The following MSI2 variants were observed in gnomAD, a reference collection of about 807,000 sequenced individuals.
The protein encoded by MSI2 is RNA-binding protein Musashi homolog 2.
In MSI2, 17 loss-of-function variants were observed where a neutral mutation model predicts 45.6. That is an observed-to-expected ratio of 0.37 (90% CI 0.26 to 0.56). The LOEUF (loss-of-function observed/expected upper bound fraction) is 0.56, where lower values mean the gene tolerates loss of function less well. Among genes scored for constraint, MSI2 ranks in the 20% least tolerant of loss-of-function variants. The probability of loss-of-function intolerance (pLI) is 0.77; values close to 1 mark genes in which losing one functional copy is unlikely to be tolerated. For missense variants in MSI2, 293 were observed against 444.2 expected, an observed-to-expected ratio of 0.66 and a Z score of 3.06; for synonymous variants, 156 against 158.2, an observed-to-expected ratio of 0.99 and a Z score of 0.11.
intron 6 of MSI2, among the ~76,000 whole-genome samples, chr17:57,442,904 G>A (rs1397671389): frequency 6.6e-6 from 1 of 152,230 alleles, no homozygotes; most frequent in African/African-American, 2.4e-5. Context: ...ATTAAAGTTT[G>A]AAGGGATGAA....
At chr17:57,460,555 T>C (rs1020918400) in intron 6 of MSI2, among the ~76,000 whole-genome samples, 3 of 152,044 alleles carry the variant, frequency 2.0e-5, no homozygotes, top group Non-Finnish European at 4.4e-5. Flanking sequence ...AGAGGAATCA[T>C]GAGGAGCTGG....
intron 5 of MSI2, among the ~76,000 whole-genome samples, chr17:57,319,050 G>A (rs1188590752): frequency 3.3e-5 from 5 of 152,238 alleles, no homozygotes; most frequent in African/African-American, 1.2e-4. Flanking sequence ...TGTGTGTGGG[G>A]AGCTGTGGCC....
chr17:57,627,321 C>G lies in MSI2; in HGVS notation c.727+18C>G. 1 of 1,613,556 alleles carries G rather than the reference C, an allele frequency of 6.2e-7. No homozygotes were observed. The highest frequency in any genetic ancestry group is 8.5e-7 in the Non-Finnish European group (1 of 1,179,460). ...GTTCCCAGGTGAGTGGCTTGGTCTC[C>G]CAGGGCTTTGGAAGCACAAGAGGTG... is the stretch of plus-strand genomic sequence containing the variant. On this transcript the variant is annotated intron_variant, in intron 10 of 13. Transcript: ENST00000284073. This position sits in a 1 kb window ranked among gnomAD's most constrained non-coding sequence, Gnocchi z 4.6.
At chr17:57,540,725 G>A (rs2087025319) in intron 7 of MSI2, among the ~76,000 whole-genome samples, 1 of 152,212 alleles carries the variant, frequency 6.6e-6, no homozygotes, top group African/African-American at 2.4e-5. Context: ...TAAGAGAAGA[G>A]CCTGAAACAG....
chr17:57,621,188 A>C (rs116265008), intron 9 of MSI2, among the ~76,000 whole-genome samples: 2 of 152,166 alleles, frequency 1.3e-5, no homozygotes, highest in African/African-American at 2.4e-5. Context: ...CATCAGTTAC[A>C]TGGGTCACCA....
chr17:57,471,993 A>G (rs928353765), intron 6 of MSI2, among the ~76,000 whole-genome samples: 11 of 152,160 alleles, frequency 7.2e-5, no homozygotes, highest in Non-Finnish European at 1.6e-4. Flanking sequence ...TTTGAGGAGC[A>G]GAGGGGCTGA....
chr17:57,418,598 G>T (rs935364249), intron 6 of MSI2, among the ~76,000 whole-genome samples: 10 of 152,218 alleles, frequency 6.6e-5, no homozygotes, highest in African/African-American at 2.2e-4. Flanking sequence ...CAGGTGCTCT[G>T]TGTGGACGTG....
At chr17:57,693,419 G>GCCTCTA in the MSI2 span, among the ~76,000 whole-genome samples, 3 of 151,878 alleles carry the variant, frequency 2.0e-5, 1 homozygote, top group South Asian at 6.2e-4. Flanking sequence ...TGGCCCACCT[G>GCCTCTA]CCTCTGCCTC....
At chr17:57,383,756 G>A (rs543992059) in intron 5 of MSI2, among the ~76,000 whole-genome samples, 1 of 152,308 alleles carries the variant, frequency 6.6e-6, no homozygotes, top group Non-Finnish European at 1.5e-5. Context: ...ACCACTACAA[G>A]CATATGGTGG....
chr17:57,362,644 G>A (rs572983649), intron 5 of MSI2, among the ~76,000 whole-genome samples: 1 of 152,108 alleles, frequency 6.6e-6, no homozygotes, highest in African/African-American at 2.4e-5. Context: ...TGTGGTTCTA[G>A]GGGGGAAAAA....
At position 57,285,870 on chromosome 17, in the gene MSI2, G is replaced by T. The variant is rs75324324; in HGVS notation, c.312+23678G>T. On this transcript the variant is annotated intron_variant, in intron 5 of 13. Coordinates refer to ENST00000284073, the MANE Select transcript of MSI2 (RefSeq NM_138962.4). ...TTCTGTTGTGTAGTTCTGATTTTCC[G>T]AACAGGTGTTTAGATGATGAGGGGT... 1.5e-3 allele frequency: 2,305 copies of T among 1,518,406 alleles called. 1 individual carries two copies. Among genetic ancestry groups the T allele is most frequent in the Non-Finnish European group, 1.8e-3 (2,091 of 1,140,808 alleles). The allele number at this position is 1,518,406 out of a possible 1,614,324, so 94.1% of individuals were successfully genotyped here.
intron 7 of MSI2, among the ~76,000 whole-genome samples, chr17:57,584,900 C>T (rs2088304704): frequency 6.6e-6 from 1 of 151,902 alleles, no homozygotes; most frequent in South Asian, 2.1e-4. Flanking sequence ...CGGCTCACTG[C>T]AACCTTCGCC....
At chr17:57,324,895 A>G (rs763932255) in intron 5 of MSI2, among the ~76,000 whole-genome samples, 1 of 152,146 alleles carries the variant, frequency 6.6e-6, no homozygotes, top group Non-Finnish European at 1.5e-5. Context: ...AACTTTGCCA[A>G]CCTGCTTGTG....
rs546460636 is a variant in MSI2 at position 57,301,356 on chromosome 17, G to C, written c.312+39164G>C. On this transcript the variant is annotated intron_variant, in intron 5 of 13. Transcript: ENST00000284073. ...CAGTGATGGTGCTGAGAGGAGAGGA[G>C]TGCAACCTGAGTTTAGTTGAATTTT... Among the ~76,000 whole-genome samples, 3 of 152,300 alleles carry C rather than the reference G, an allele frequency of 2.0e-5. No homozygotes were observed. In the South Asian group the frequency reaches 6.2e-4, roughly 32 times the overall value.
chr17:57,328,447 G>A (rs1032093268), intron 5 of MSI2, among the ~76,000 whole-genome samples: 2 of 152,124 alleles, frequency 1.3e-5, no homozygotes, highest in Admixed American at 1.3e-4. Flanking sequence ...GCTTTCTGAT[G>A]TAAATGTAGA....
At chr17:57,603,423 A>G (rs1402404246) in intron 8 of MSI2, among the ~76,000 whole-genome samples, 1 of 152,244 alleles carries the variant, frequency 6.6e-6, no homozygotes, top group Non-Finnish European at 1.5e-5. Flanking sequence ...CTGTAACCAC[A>G]GGCGAGTGCC....
rs757310411 is a variant in MSI2 at position 57,262,230 on chromosome 17, G to C, written c.312+38G>C. 1.6e-4 allele frequency: 252 copies of C among 1,605,830 alleles called. 3 individuals are homozygous for C. In the East Asian group the frequency reaches 5.6e-3, roughly 36 times the overall value. On this transcript the variant is annotated intron_variant, in intron 5 of 13. Transcript: ENST00000284073. ...ATAAACAGTAGGATTTTAGCACTCA[G>C]AGATGATTGCCAAGAATTTCAAATT... is the stretch of plus-strand genomic sequence containing the variant.
At chr17:57,434,637 T>C (rs1479110002) in intron 6 of MSI2, among the ~76,000 whole-genome samples, 3 of 152,168 alleles carry the variant, frequency 2.0e-5, no homozygotes, top group Non-Finnish European at 2.9e-5. Context: ...AGATTCCACA[T>C]GTAAGTGAGA....
chr17:57,652,749 G>A lies in MSI2; in HGVS notation c.790+588G>A, dbSNP rs977305966. ...CAGCTCCAGCTGCCAAGGGAATTGGGCTTTCTGTCCCATGAGGTTGCTCCA... is the reference window on the plus strand; with the variant it reads ...CAGCTCCAGCTGCCAAGGGAATTGGACTTTCTGTCCCATGAGGTTGCTCCA... On this transcript the variant is annotated intron_variant, in intron 11 of 13. Coordinates refer to ENST00000284073, the MANE Select transcript of MSI2 (RefSeq NM_138962.4). The surrounding 1 kb of genome is among the most constrained non-coding windows in gnomAD (Gnocchi z 4.1). Among the ~76,000 whole-genome samples the A allele has an allele frequency of 1.3e-5, 2 of 152,236 alleles. No homozygotes were observed. Among genetic ancestry groups the A allele is most frequent in the African/African-American group, 4.8e-5 (2 of 41,470 alleles).
Sources: allele counts gnomAD v4.1 joint callset (sites outside exome capture counted in the v4.1 genomes callset), GRCh38; gene constraint gnomAD v4.1.1; non-coding constraint Gnocchi (gnomAD v3.1); transcripts MANE v1.5; gene names NCBI Gene and HGNC (gene_info 2026-07-23, HGNC 2026-07-21).